ANAPC15: variants seen among roughly 807,000 people sequenced by gnomAD.
The protein encoded by ANAPC15 is anaphase promoting complex subunit 15, also known as anaphase-promoting complex subunit 15.
A neutral mutation model predicts 19.8 loss-of-function variants in ANAPC15; 13 were observed. That is an observed-to-expected ratio of 0.66 (90% CI 0.43 to 1.04). The LOEUF is 1.04. ANAPC15 is among the 50% of genes least tolerant of loss of function. The probability of loss-of-function intolerance (pLI) is 0.00; values close to 1 mark genes in which losing one functional copy is unlikely to be tolerated. For synonymous variants in ANAPC15, 45 were observed against 50.7 expected, an observed-to-expected ratio of 0.89 and a Z score of 0.47; for missense variants, 88 against 150.3, an observed-to-expected ratio of 0.59 and a Z score of 2.17.
chr11:72,107,496 C>A, downstream of ANAPC15: 2 of 702,766 alleles, frequency 2.8e-6, no homozygotes, highest in East Asian at 5.4e-5. Context: ...CAAAGCCAGC[C>A]ACATATACAC....
chr11:72,107,650 G>C, downstream of ANAPC15: 1 of 621,784 alleles, frequency 1.6e-6, no homozygotes, highest in East Asian at 2.7e-5. Context: ...TGAATGCCAG[G>C]CTGAGAATCC....
intron 1 of ANAPC15, 129 bp from the exon 2 acceptor site, chr11:72,111,625 T>C (rs1021873025): frequency 4.5e-5 from 9 of 200,266 alleles, no homozygotes; most frequent in African/African-American, 4.7e-5. Flanking sequence ...AGTGTAGGGA[T>C]AGGAATCCAG....
chr11:72,109,395 G>A (rs974883616), downstream of ANAPC15: 4 of 459,988 alleles, frequency 8.7e-6, no homozygotes, highest in Non-Finnish European at 1.7e-5. Context: ...AGGAATAGCT[G>A]GATGCAAGCT....
In ANAPC15 at chr11:72,109,804, G is replaced by A; in HGVS notation, c.*77C>T. The A allele has an allele frequency of 6.3e-7, 1 of 1,577,126 alleles. No individual in the cohort carries two copies. The highest frequency in any genetic ancestry group is 8.7e-7 in the Non-Finnish European group (1 of 1,148,270). On this transcript the variant is annotated 3_prime_UTR_variant, in exon 6 of 6. Transcript: ENST00000227618. ...ACTGGGGCCATCAGCTGGTTCTGTGGGCAGGGGTTGGGGGTTGGGATGCAG... is the reference window on the plus strand; with the variant it reads ...ACTGGGGCCATCAGCTGGTTCTGTGAGCAGGGGTTGGGGGTTGGGATGCAG...
chr11:72,107,525 A>G (rs1945800564), downstream of ANAPC15: 2 of 702,912 alleles, frequency 2.8e-6, no homozygotes, highest in Non-Finnish European at 5.2e-6. Flanking sequence ...TGAAGGAATG[A>G]GACAGCTTGA....
At chr11:72,106,445 C>A, downstream of ANAPC15, 1 of 427,332 alleles carries the variant, frequency 2.3e-6, no homozygotes. Context: ...GGGGTAGAGG[C>A]CACAGAGATG....
downstream of ANAPC15, chr11:72,107,426 T>C: frequency 1.4e-6 from 1 of 702,516 alleles, no homozygotes. Flanking sequence ...AAGAGCAACA[T>C]TTGAACTGAA....
downstream of ANAPC15, chr11:72,109,239 G>T (rs938079321): frequency 1.3e-5 from 6 of 468,616 alleles, no homozygotes; most frequent in Admixed American, 8.9e-5. Context: ...CTTGCTCTGA[G>T]ATTTAATCTT....
chr11:72,108,404 C>T (rs146614090), downstream of ANAPC15, among the ~76,000 whole-genome samples: 79 of 152,358 alleles, frequency 5.2e-4, no homozygotes, highest in African/African-American at 1.9e-3. Flanking sequence ...GCAAAGCATG[C>T]ATCCTCTGAA....
At chr11:72,107,223 T>C, downstream of ANAPC15, 1 of 570,014 alleles carries the variant, frequency 1.8e-6, no homozygotes, top group Non-Finnish European at 3.1e-6. Flanking sequence ...GCCGTGATCA[T>C]GCTACTGCAC....
chr11:72,107,775 G>C, downstream of ANAPC15: 3 of 785,278 alleles, frequency 3.8e-6, no homozygotes, highest in Non-Finnish European at 4.1e-6. Flanking sequence ...CGGGGACCAG[G>C]AGGGCAGCTG....
downstream of ANAPC15, chr11:72,108,024 C>T (rs1288510412): frequency 4.5e-6 from 7 of 1,551,568 alleles, no homozygotes; most frequent in East Asian, 1.7e-4. Flanking sequence ...CCGAGCCCTG[C>T]CCCCTGGGGG....
downstream of ANAPC15, chr11:72,107,102 AC>A (rs1945763184): frequency 3.4e-6 from 1 of 290,890 alleles, no homozygotes; most frequent in Non-Finnish European, 6.3e-6. Context: ...CCCCGTTTCT[AC>A]AAAAAATTTA....
intron 5 of ANAPC15, 56 bp downstream of exon 5, chr11:72,110,032 C>A (rs1157044457): frequency 6.2e-7 from 1 of 1,613,932 alleles, no homozygotes; most frequent in African/African-American, 1.3e-5. Context: ...TGGCCATCAA[C>A]TGGGTCAGGA....
At chr11:72,111,385 G>T in intron 2 of ANAPC15, 27 bp downstream of exon 2, 1 of 894,874 alleles carries the variant, frequency 1.1e-6, no homozygotes, top group South Asian at 1.5e-5. Flanking sequence ...CAGGAAAGCA[G>T]CCCCTCCCCC....
chr11:72,107,835 G>A (rs1945842314), downstream of ANAPC15: 5 of 1,452,556 alleles, frequency 3.4e-6, no homozygotes, highest in Admixed American at 2.0e-5. Flanking sequence ...GGGAGCTGCA[G>A]TGAGGCAGGT....
intron 3 of ANAPC15, among the ~76,000 whole-genome samples, chr11:72,110,950 A>G (rs1161508735): frequency 6.6e-6 from 1 of 152,226 alleles, no homozygotes; most frequent in East Asian, 1.9e-4. Flanking sequence ...CTGGGCTCTA[A>G]TCTGGCCCAG....
downstream of ANAPC15, chr11:72,109,127 G>A (rs1372575768): frequency 1.7e-5 from 10 of 581,744 alleles, no homozygotes; most frequent in Non-Finnish European, 2.8e-5. Flanking sequence ...GTCTCACTAG[G>A]CCCCCTCTTT....
At chr11:72,111,809 C>A (rs1947038353) in intron 1 of ANAPC15, 1 of 154,632 alleles carries the variant, frequency 6.5e-6, no homozygotes, top group Non-Finnish European at 1.4e-5. Flanking sequence ...TGAATCACAG[C>A]CAAATGTCGG....
Sources: gnomAD v4.1 joint callset for allele counts (sites outside exome capture counted in the v4.1 genomes callset) on GRCh38, gnomAD v4.1.1 for gene constraint, MANE v1.5 for transcripts, NCBI Gene and HGNC (gene_info 2026-07-23, HGNC 2026-07-21) for gene names.